Variants in TTLL4 observed in about 807,000 individuals in gnomAD.
TTLL4 encodes tubulin tyrosine ligase like 4, also known as tubulin monoglutamylase TTLL4.
TTLL4 carries 85 observed loss-of-function variants against 122.7 expected under a neutral mutation model. The ratio of observed to expected loss-of-function variants is 0.69; its 90% CI spans 0.58 to 0.83. TTLL4 has a LOEUF of 0.83. Ranked by LOEUF, TTLL4 falls within the 40% of genes least tolerant of loss-of-function variation. The probability of loss-of-function intolerance (pLI) is 0.00; values close to 1 mark genes in which losing one functional copy is unlikely to be tolerated. For missense variants in TTLL4, 1,363 were observed against 1,488.6 expected (o/e 0.92, Z 1.39); for synonymous variants, 553 against 563.0 (o/e 0.98, Z 0.25).
intron 1 of TTLL4, among the ~76,000 whole-genome samples, chr2:218,720,877 A>G (rs1942015824): frequency 6.6e-6 from 1 of 152,150 alleles, no homozygotes; most frequent in South Asian, 2.1e-4. Flanking sequence ...TGGAACTTTC[A>G]GTTCCATCCC....
At chr2:218,726,155 A>G (rs1400753965) in intron 1 of TTLL4, among the ~76,000 whole-genome samples, 1 of 151,850 alleles carries the variant, frequency 6.6e-6, no homozygotes, top group African/African-American at 2.4e-5. Context: ...ACTATCTCTC[A>G]TATTTGAAGG....
chr2:218,735,699 G>A (rs895728425), intron 2 of TTLL4, among the ~76,000 whole-genome samples: 30 of 150,958 alleles, frequency 2.0e-4, no homozygotes, highest in African/African-American at 6.6e-4. Flanking sequence ...TTGAGACAGA[G>A]TCTCACTCTG....
chr2:218,751,587 C>A lies in TTLL4; in HGVS notation c.2874-117C>A, dbSNP rs150792730. 868 of 1,400,986 alleles carry A rather than the reference C, an allele frequency of 6.2e-4. 2 individuals are homozygous for A. The African/African-American group carries it at 0.012, about 19-fold the overall frequency. 86.8% of individuals were successfully genotyped at this position (1,400,986 alleles called of 1,614,324 possible). The stretch of plus-strand genomic sequence containing the variant: ...ACCTACTACTCAAGTAACCTCTGTT[C>A]ATACATCTTTGTCTTCTCTCAAGAA... On this transcript the variant is annotated intron_variant, in intron 15 of 19. Transcript: ENST00000392102.
intron 1 of TTLL4, among the ~76,000 whole-genome samples, chr2:218,712,690 A>C (rs551118077): frequency 6.6e-6 from 1 of 152,086 alleles, no homozygotes; most frequent in African/African-American, 2.4e-5. Context: ...CCCGGCCCCA[A>C]TGAACTCTTT....
intron 7 of TTLL4, 102 bp downstream of exon 7, chr2:218,745,903 TG>T: frequency 9.0e-7 from 1 of 1,105,754 alleles, no homozygotes; most frequent in Non-Finnish European, 1.4e-6. Context: ...TCGGGGCAGC[TG>T]GGGCCCTCTC....
In TTLL4 at chr2:218,754,448, C is replaced by T; in HGVS notation, c.*59C>T. The T allele has an allele frequency of 6.2e-7, 1 of 1,603,136 alleles. No homozygotes were observed. The highest frequency in any genetic ancestry group is 8.5e-7 in the Non-Finnish European group (1 of 1,174,798). On this transcript the variant is annotated 3_prime_UTR_variant, in exon 20 of 20. Coordinates refer to ENST00000392102, the MANE Select transcript of TTLL4 (RefSeq NM_014640.5). ...ATGGGCATCAGCTACCTCACGGGAA[C>T]CAGCCTGCTGTTCAGACCAGTCTGA...
rs1942565139 is a variant in TTLL4, at chr2:218,737,674, C to G, written c.-3C>G. The G allele has an allele frequency of 1.0e-5, 16 of 1,584,160 alleles. No homozygotes were observed. Among genetic ancestry groups the G allele is most frequent in the Non-Finnish European group, 1.4e-5 (16 of 1,163,960 alleles). ...GACCGTGTGGCCATGATGTGGGCCC[C>G]TCATGGCCTCAGCAGGAACACAGCA... On this transcript the variant is annotated 5_prime_UTR_variant, in exon 3 of 20. Coordinates refer to ENST00000392102, the MANE Select transcript of TTLL4 (RefSeq NM_014640.5).
chr2:218,753,323 T>C (rs1355426860), intron 18 of TTLL4, 138 bp downstream of exon 18: 6 of 1,061,132 alleles, frequency 5.7e-6, no homozygotes, highest in Non-Finnish European at 8.6e-6. Context: ...TCACCATTCT[T>C]TCCTTTCAAG....
Position 218,747,758 on chromosome 2 carries a change from T to C in TTLL4, c.2378+33T>C. 2 of 1,610,652 alleles carry C rather than the reference T, an allele frequency of 1.2e-6. No homozygotes were observed. Among genetic ancestry groups the C allele is most frequent in the Non-Finnish European group, 1.7e-6 (2 of 1,177,802 alleles). The stretch of plus-strand genomic sequence containing the variant: ...ACAGTGGTGAGGTATCCTCTGACAA[T>C]ATTGGGGATTTTATTTTCCTTGGAG... On this transcript the variant is annotated intron_variant, in intron 11 of 19. Transcript: ENST00000392102. This position sits in a 1 kb window ranked among gnomAD's most constrained non-coding sequence, Gnocchi z 4.7.
At chr2:218,720,596 C>T (rs1298487201) in intron 1 of TTLL4, among the ~76,000 whole-genome samples, 4 of 150,340 alleles carry the variant, frequency 2.7e-5, no homozygotes, top group Non-Finnish European at 5.9e-5. Flanking sequence ...ATTGCATGAA[C>T]GCGGGAGGCA....
intron 1 of TTLL4, among the ~76,000 whole-genome samples, chr2:218,720,175 G>C (rs1941989907): frequency 6.6e-6 from 1 of 152,148 alleles, no homozygotes; most frequent in Non-Finnish European, 1.5e-5. Flanking sequence ...CAGGCAGTTG[G>C]TGATGCAGAC....
chr2:218,740,041 A>G lies in TTLL4; in HGVS notation c.1488-17A>G. On this transcript the variant is annotated splice_polypyrimidine_tract_variant and intron_variant, in intron 3 of 19. Coordinates refer to ENST00000392102, the MANE Select transcript of TTLL4 (RefSeq NM_014640.5). ...TGATGGAGTTGACTAGGCTGGGGGC[A>G]TGATTCTTTCTTTTAGTTCAGCTAC... is the stretch of plus-strand genomic sequence containing the variant. 6.2e-7 allele frequency: 1 copy of G among 1,611,862 alleles called. No homozygotes were observed. The highest frequency in any genetic ancestry group is 8.5e-7 in the Non-Finnish European group (1 of 1,178,098).
Position 218,753,974 on chromosome 2 carries a change from A to G in TTLL4, c.3345-160A>G, listed in dbSNP as rs564295280. Among the ~76,000 whole-genome samples the G allele has an allele frequency of 4.7e-4, 71 of 152,314 alleles. No individual in the cohort carries two copies. Among genetic ancestry groups the G allele is most frequent in the African/African-American group, 1.6e-3 (65 of 41,574 alleles). On this transcript the variant is annotated intron_variant, in intron 19 of 19. Coordinates refer to ENST00000392102, the MANE Select transcript of TTLL4 (RefSeq NM_014640.5). ...TTGCACTGCAGGTCTCAAGCCTTCA[A>G]GTAAATAGAATTTTTTTTATGGTTA... is the stretch of plus-strand genomic sequence containing the variant.
At chr2:218,745,423 C>G in intron 6 of TTLL4, 190 bp downstream of exon 6, 2 of 714,518 alleles carry the variant, frequency 2.8e-6, no homozygotes, top group Admixed American at 5.8e-5. Context: ...CTTTAGCTGA[C>G]CCTTTTCAGC....
chr2:218,754,164 A>G lies in TTLL4; in HGVS notation c.3375A>G (p.Leu1125=), dbSNP rs115560685. Residue 1125 remains leucine (L), a synonymous_variant, in exon 20 of 20, where the codon CTA becomes CTG. Coordinates refer to ENST00000392102, the MANE Select transcript of TTLL4 (RefSeq NM_014640.5). ...GKQSSCEVSL[L]LSEDGTTPKS... is the part of the protein sequence containing the mutation. Reference sequence around the variant, plus strand: ...AAAGCTCCTGTGAGGTTAGCCTACTACTCTCTGAAGACGGGACCACGCCCA... The same window carrying G: ...AAAGCTCCTGTGAGGTTAGCCTACTGCTCTCTGAAGACGGGACCACGCCCA... 6.2e-7 allele frequency: 1 copy of G among 1,613,906 alleles called. No individual in the cohort carries two copies. The highest frequency in any genetic ancestry group is 1.7e-5 in the Admixed American group (1 of 59,996).
At chr2:218,714,461 A>AC (rs1941800285) in intron 1 of TTLL4, among the ~76,000 whole-genome samples, 2 of 152,322 alleles carry the variant, frequency 1.3e-5, no homozygotes, top group South Asian at 4.1e-4. Flanking sequence ...GTGCTTTGGT[A>AC]AATCACCAAA....
chr2:218,753,040 A>T (rs1943065870), intron 17 of TTLL4, 67 bp downstream of exon 17: 1 of 1,613,158 alleles, frequency 6.2e-7, no homozygotes, highest in Non-Finnish European at 8.5e-7. Flanking sequence ...TATACCAAGA[A>T]ATGGGCCTCT....
At position 218,751,709 on chromosome 2, in the gene TTLL4, C is replaced by T. The variant is rs1943018007; in HGVS notation, c.2879C>T (p.Pro960Leu). The T allele has an allele frequency of 6.2e-7, 1 of 1,612,616 alleles. No individual in the cohort carries two copies. The highest frequency in any genetic ancestry group is 1.7e-5 in the Admixed American group (1 of 59,922). Residue 960 changes from proline (P) to leucine (L), a missense_variant, in exon 16 of 20, where the codon CCC becomes CTC. Transcript: ENST00000392102. Reference protein sequence around the residue: ...SSCSSSTTSLPTSPGDKCRMA... With the variant: ...SSCSSSTTSLLTSPGDKCRMA... ...CTTTCTGGCCTCTGCCGTAGCCTGC[C>T]CACCTCCCCTGGGGACAAATGTCGA...
At chr2:218,753,003 C>T in intron 17 of TTLL4, 30 bp downstream of exon 17, 6 of 1,613,944 alleles carry the variant, frequency 3.7e-6, no homozygotes, top group Non-Finnish European at 5.1e-6. Context: ...CTCAGAAAGC[C>T]AAGTTTAGTG....
Sources: allele counts gnomAD v4.1 joint callset (sites outside exome capture counted in the v4.1 genomes callset), GRCh38; gene constraint gnomAD v4.1.1; non-coding constraint Gnocchi (gnomAD v3.1); transcripts MANE v1.5; gene names NCBI Gene and HGNC (gene_info 2026-07-23, HGNC 2026-07-21).